TRPM4: variants seen among roughly 807,000 people sequenced by gnomAD.
The protein encoded by TRPM4 is transient receptor potential cation channel subfamily M member 4.
Under a neutral mutation model 135.6 loss-of-function variants are expected in TRPM4, and 124 were observed. The ratio of observed to expected loss-of-function variants is 0.91; its 90% confidence interval spans 0.79 to 1.06. The LOEUF (loss-of-function observed/expected upper bound fraction) is 1.06. Among genes scored for constraint, TRPM4 ranks in the 50% least tolerant of loss-of-function variants. TRPM4 has a pLI of 0.00. For missense variants in TRPM4, 1,658 were observed against 1,671.4 expected, an observed-to-expected ratio of 0.99 and a Z score of 0.14; for synonymous variants, 745 against 705.6, an observed-to-expected ratio of 1.06 and a Z score of -0.88.
intron 9 of TRPM4, among the ~76,000 whole-genome samples, chr19:49,180,252 A>G (rs1967862729): frequency 6.6e-6 from 1 of 152,002 alleles, no homozygotes; most frequent in Non-Finnish European, 1.5e-5. Flanking sequence ...GTTTGGATCC[A>G]CTACATAGCT....
intron 2 of TRPM4, among the ~76,000 whole-genome samples, chr19:49,160,915 T>G (rs1600387008): frequency 6.7e-6 from 1 of 148,588 alleles, no homozygotes; most frequent in African/African-American, 2.5e-5. Flanking sequence ...TTGATGAGGG[T>G]GATGAGGGAG....
intron 2 of TRPM4, among the ~76,000 whole-genome samples, chr19:49,164,536 G>T (rs960480960): frequency 6.7e-6 from 1 of 150,194 alleles, no homozygotes; most frequent in African/African-American, 2.5e-5. Flanking sequence ...CCGCCACCAC[G>T]ACCAGCTAAT....
chr19:49,188,856 C>A (rs1269252007), intron 13 of TRPM4, 86 bp downstream of exon 13: 56 of 1,612,256 alleles, frequency 3.5e-5, no homozygotes, highest in Non-Finnish European at 4.7e-5. Flanking sequence ...CATATCCCTG[C>A]GCCATCCCCT....
rs769374620 is a variant in TRPM4 at position 49,205,450 on chromosome 19, C to T, written c.3131+3309C>T. On this transcript the variant is annotated intron_variant, in intron 20 of 24. Coordinates refer to ENST00000252826, the MANE Select transcript of TRPM4 (RefSeq NM_017636.4). The stretch of plus-strand genomic sequence containing the variant: ...TGATCACATGTGTAAACTCTATTTC[C>T]GAATAAAGCCACATATTTCATAAAT... Among the ~76,000 whole-genome samples the T allele has an allele frequency of 1.3e-4, 19 of 151,382 alleles. 1 individual carries two copies. The highest frequency in any genetic ancestry group is 7.4e-5 in the Non-Finnish European group (5 of 67,978).
At chr19:49,188,817 G>C (rs1968297791) in intron 13 of TRPM4, 47 bp downstream of exon 13, 6 of 1,613,076 alleles carry the variant, frequency 3.7e-6, no homozygotes, top group African/African-American at 2.7e-5. Context: ...GCTGCCGCCA[G>C]AGGGGGATGT....
chr19:49,172,955 T>A (rs1369497768), intron 9 of TRPM4, among the ~76,000 whole-genome samples: 1 of 148,834 alleles, frequency 6.7e-6, no homozygotes, highest in Non-Finnish European at 1.5e-5. Flanking sequence ...GACAATTCCA[T>A]CCACTTATTG....
At chr19:49,164,493 C>G (rs1476100903) in intron 2 of TRPM4, among the ~76,000 whole-genome samples, 2 of 148,202 alleles carry the variant, frequency 1.3e-5, no homozygotes, top group African/African-American at 2.5e-5. Flanking sequence ...ATTCTCCTGC[C>G]TCAGCCTTCT....
chr19:49,208,830 G>A (rs1302578685), intron 20 of TRPM4, among the ~76,000 whole-genome samples: 1 of 151,892 alleles, frequency 6.6e-6, no homozygotes. Context: ...GTGGTGGTGG[G>A]TGCCTGTAGT....
intron 14 of TRPM4, among the ~76,000 whole-genome samples, chr19:49,189,902 C>T (rs555339096): frequency 4.6e-5 from 7 of 152,290 alleles, no homozygotes; most frequent in African/African-American, 1.7e-4. Flanking sequence ...CTCTGTGCCT[C>T]ATGTGTACCA....
chr19:49,168,115 G>T lies in TRPM4; in HGVS notation c.448+18G>T. 1.3e-6 allele frequency: 2 copies of T among 1,596,880 alleles called. No homozygotes were observed. The highest frequency in any genetic ancestry group is 1.7e-6 in the Non-Finnish European group (2 of 1,173,244). On this transcript the variant is annotated intron_variant, in intron 4 of 24. Coordinates refer to ENST00000252826, the MANE Select transcript of TRPM4 (RefSeq NM_017636.4). ...GAGCACAGGTGACCGAGGGTGGGTG[G>T]GGGCTGTCTCCTGGGCCTCGGCCTG...
chr19:49,158,368 C>A (rs1161469983), intron 2 of TRPM4, 109 bp downstream of exon 2: 8 of 1,055,060 alleles, frequency 7.6e-6, no homozygotes, highest in Non-Finnish European at 3.0e-6. Context: ...GACTCGGGGA[C>A]CTTCCCAAGG....
At chr19:49,201,401 T>C (rs1968930279) in intron 19 of TRPM4, among the ~76,000 whole-genome samples, 1 of 152,232 alleles carries the variant, frequency 6.6e-6, no homozygotes, top group Non-Finnish European at 1.5e-5. Flanking sequence ...ATCTAATGCT[T>C]GCTTGAACCA....
chr19:49,208,024 G>C (rs1969213212), intron 20 of TRPM4, among the ~76,000 whole-genome samples: 1 of 152,178 alleles, frequency 6.6e-6, no homozygotes, highest in South Asian at 2.1e-4. Context: ...ATGTCCACTG[G>C]ACAGGGGCCC....
chr19:49,207,167 C>A (rs1969182430), intron 20 of TRPM4, among the ~76,000 whole-genome samples: 1 of 152,078 alleles, frequency 6.6e-6, no homozygotes. Context: ...CTAGCCAGAA[C>A]TTCCAGCACA....
At chr19:49,181,556 G>T in intron 10 of TRPM4, 95 bp downstream of exon 10, 4 of 755,838 alleles carry the variant, frequency 5.3e-6, no homozygotes, top group Non-Finnish European at 8.1e-6. Context: ...TTTTTTGACG[G>T]AGTCTCACTC....
At chr19:49,209,711 C>T (rs1479872731) in intron 20 of TRPM4, among the ~76,000 whole-genome samples, 1 of 148,958 alleles carries the variant, frequency 6.7e-6, no homozygotes, top group South Asian at 2.1e-4. Flanking sequence ...AACTTGACCT[C>T]TGACATCTGA....
rs1345746236 is a variant in TRPM4 at position 49,211,133 on chromosome 19, C to T, written c.3535-31C>T. ...TGGGGGACTGTGGCAGGGGTCCCAT[C>T]TCCCGCTCTGACATTCCTCCCATTC... On this transcript the variant is annotated intron_variant, in intron 23 of 24. Transcript: ENST00000252826. This position sits in a 1 kb window ranked among gnomAD's most constrained non-coding sequence, Gnocchi z 4.8. 31 of 1,610,120 alleles carry T rather than the reference C, an allele frequency of 1.9e-5. No individual in the cohort carries two copies. Among genetic ancestry groups the T allele is most frequent in the Non-Finnish European group, 2.5e-5 (30 of 1,178,448 alleles).
intron 2 of TRPM4, among the ~76,000 whole-genome samples, chr19:49,162,565 CAAAA>C (rs1491306800): frequency 6.6e-6 from 1 of 151,374 alleles, no homozygotes; most frequent in African/African-American, 2.4e-5. Context: ...AACAAACAAA[CAAAA>C]AAACAATTTA....
Position 49,206,154 on chromosome 19 carries a change from G to T in TRPM4, c.3131+4013G>T, listed in dbSNP as rs185908512. On this transcript the variant is annotated intron_variant, in intron 20 of 24. Transcript: ENST00000252826. ...TTTTTTGTATTTTTGGTAGAGACAG[G>T]GTTTCACCATGTTGGCCAGGCTAGT... Among the ~76,000 whole-genome samples the T allele has an allele frequency of 2.0e-3, 305 of 151,558 alleles. 2 individuals carry two copies. The highest frequency in any genetic ancestry group is 7.2e-3 in the African/African-American group (296 of 41,334).
Sources: allele counts gnomAD v4.1 joint callset (sites outside exome capture counted in the v4.1 genomes callset), GRCh38; gene constraint gnomAD v4.1.1; non-coding constraint Gnocchi (gnomAD v3.1); transcripts MANE v1.5; gene names NCBI Gene and HGNC (gene_info 2026-07-23, HGNC 2026-07-21).